Variants in MCOLN1 observed in about 807,000 individuals in gnomAD.
MCOLN1 encodes mucolipin TRP cation channel 1, also known as mucolipin-1.
Under a neutral mutation model 70.3 loss-of-function variants are expected in MCOLN1, and 50 were observed. The ratio of observed to expected loss-of-function variants is 0.71; its 90% CI spans 0.57 to 0.90. The LOEUF (loss-of-function observed/expected upper bound fraction) is 0.90, where lower values mean the gene tolerates loss of function less well. Ranked by LOEUF, MCOLN1 falls within the 40% of genes least tolerant of loss-of-function variation. MCOLN1 has a pLI of 0.00. For synonymous variants in MCOLN1, 366 were observed against 341.0 expected (o/e 1.07, Z -0.81); for missense variants, 598 against 803.5 (o/e 0.74, Z 3.09).
intron 12 of MCOLN1, among the ~76,000 whole-genome samples, chr19:7,532,898 G>A (rs1440678665): frequency 1.3e-5 from 2 of 152,184 alleles, no homozygotes; most frequent in African/African-American, 4.8e-5. Context: ...GGGAGCCCAG[G>A]GGCAGTGCAC....
chr19:7,527,731 G>A (rs777513647), intron 5 of MCOLN1, 103 bp downstream of exon 5: 16 of 1,074,334 alleles, frequency 1.5e-5, no homozygotes, highest in African/African-American at 7.8e-5. Context: ...GGGCCCCCCC[G>A]CCCGCGCTGG....
chr19:7,533,523 C>T lies in MCOLN1; in HGVS notation c.1576C>T (p.His526Tyr). ...LITGAYDTIK[H>Y]PGGAGAEESE... ...TGAGCCTCCCGGCTTCTCTCCCCAGCATCCCGGCGGCGCAGGCGCAGAGGA... is the reference window on the plus strand; with the variant it reads ...TGAGCCTCCCGGCTTCTCTCCCCAGTATCCCGGCGGCGCAGGCGCAGAGGA... Residue 526 changes from histidine to tyrosine, a missense_variant and splice_region_variant, in exon 13 of 14, where the codon CAT (histidine) becomes TAT (tyrosine). Physicochemically the swap from His to Tyr is moderately conservative, Grantham distance 83. Transcript: ENST00000264079. 1 of 1,610,798 alleles carries T rather than the reference C, an allele frequency of 6.2e-7. No individual in the cohort carries two copies. The highest frequency in any genetic ancestry group is 8.5e-7 in the Non-Finnish European group (1 of 1,179,666).
In MCOLN1 at chr19:7,526,773, C is replaced by T; in HGVS notation, c.418C>T (p.Pro140Ser). 1 of 1,614,058 alleles carries T rather than the reference C, an allele frequency of 6.2e-7. No homozygotes were observed. Among genetic ancestry groups the T allele is most frequent in the Non-Finnish European group, 8.5e-7 (1 of 1,180,034 alleles). ...FHAVDQYLAL[P>S]DVSLGRYAYV... ...TCTCTGCCCACAGTACCTGGCGTTG[C>T]CTGACGTGTCACTGGGCCGGTATGC... Residue 140 changes from proline (P) to serine (S), a missense_variant, in exon 4 of 14, where the codon CCT becomes TCT. Physicochemically the swap from Pro to Ser is moderately conservative, Grantham distance 74. Around this residue, in one of 3 missense-constraint regions of MCOLN1, gnomAD observed 461 missense variants for 588.4 expected, o/e 0.78. Transcript: ENST00000264079. The surrounding 1 kb of genome is among the most constrained non-coding windows in gnomAD (Gnocchi z 4.6).
intron 10 of MCOLN1, 70 bp from the exon 11 acceptor site, chr19:7,529,520 C>CCAAAGGGGGGCCCCCCCAGG: frequency 7.2e-7 from 1 of 1,386,886 alleles, no homozygotes; most frequent in Non-Finnish European, 1.0e-6. Flanking sequence ...CTCCCACCCC[C>CCAAAGGGGGGCCCCCCCAGG]ATCTGGGTGC....
chr19:7,529,529 G>GGGCCCC, intron 10 of MCOLN1, 61 bp from the exon 11 acceptor site: 2 of 1,481,614 alleles, frequency 1.3e-6, no homozygotes, highest in East Asian at 2.4e-5. Context: ...CCATCTGGGT[G>GGGCCCC]CCCACAGCTG....
rs540456257 is a variant in MCOLN1 at position 7,533,510 on chromosome 19, C to A, written c.1576-13C>A. 3 of 1,610,502 alleles carry A rather than the reference C, an allele frequency of 1.9e-6. No homozygotes were observed. In the African/African-American group the frequency reaches 4.0e-5, roughly 21 times the overall value. ...GCCACTTTCAGGCTGAGCCTCCCGG[C>A]TTCTCTCCCCAGCATCCCGGCGGCG... On this transcript the variant is annotated splice_polypyrimidine_tract_variant and intron_variant, in intron 12 of 13. Coordinates refer to ENST00000264079, the MANE Select transcript of MCOLN1 (RefSeq NM_020533.3).
At position 7,524,018 on chromosome 19, in the gene MCOLN1, CCTGA is replaced by C. The variant is rs1022527070; in HGVS notation, c.32-940_32-937del. On this transcript the variant is annotated intron_variant, in intron 1 of 13. Transcript: ENST00000264079. The surrounding 1 kb of genome is among the most constrained non-coding windows in gnomAD (Gnocchi z 4.1). Reference sequence around the variant, plus strand: ...CTAACTACGGGCATGAGCCGTCACACCTGACTATTTAAAAAAAATGTTTTTTTTT... The same window carrying C: ...CTAACTACGGGCATGAGCCGTCACACCTATTTAAAAAAAATGTTTTTTTTT... Among the ~76,000 whole-genome samples, 9 of 152,230 alleles carry C rather than the reference CCTGA, an allele frequency of 5.9e-5. No homozygotes were observed. Among genetic ancestry groups the C allele is most frequent in the Non-Finnish European group, 1.0e-4 (7 of 68,016 alleles).
Position 7,526,760 on chromosome 19 carries a change from G to A in MCOLN1, c.406-1G>A. ...CAGGCCCTCCCCTTCTCTGCCCACA[G>A]TACCTGGCGTTGCCTGACGTGTCAC... On this transcript the variant is annotated splice_acceptor_variant, in intron 3 of 13. Transcript: ENST00000264079. LOFTEE classifies it high-confidence loss of function. This position sits in a 1 kb window ranked among gnomAD's most constrained non-coding sequence, Gnocchi z 4.6. 6.2e-7 allele frequency: 1 copy of A among 1,613,900 alleles called. No homozygotes were observed. The highest frequency in any genetic ancestry group is 8.5e-7 in the Non-Finnish European group (1 of 1,180,028).
intron 13 of MCOLN1, 30 bp downstream of exon 13, chr19:7,533,683 T>G: frequency 6.2e-7 from 1 of 1,614,114 alleles, no homozygotes; most frequent in Non-Finnish European, 8.5e-7. Context: ...CACATTCAGA[T>G]TGGAGGTTAG....
In MCOLN1 at chr19:7,525,127, G is replaced by T. The variant is rs747815510; in HGVS notation, c.198G>T (p.Leu66=). 3 of 1,614,168 alleles carry T rather than the reference G, an allele frequency of 1.9e-6. No homozygotes were observed. Among genetic ancestry groups the T allele is most frequent in the Non-Finnish European group, 2.5e-6 (3 of 1,180,036 alleles). Residue 66 remains leucine, a synonymous_variant, in exon 2 of 14, where the codon CTG becomes CTT. Transcript: ENST00000264079. The surrounding 1 kb of genome is among the most constrained non-coding windows in gnomAD (Gnocchi z 4.2). The part of the protein sequence containing the change: ...FRAKGRKPCK[L]MLQVVKILVV... ...CCAAGGGCCGCAAGCCCTGCAAGCT[G>T]ATGCTGCAAGTGGTCAAGATCCTGG...
intron 10 of MCOLN1, 87 bp from the exon 11 acceptor site, chr19:7,529,501 GCC>G: frequency 2.0e-5 from 15 of 747,234 alleles, no homozygotes; most frequent in Non-Finnish European, 2.5e-5. Context: ...CCTCGGCAAG[GCC>G]CCGCCCCTCC....
rs778589238 is a variant in MCOLN1 at position 7,525,258 on chromosome 19, G to A, written c.237+92G>A. 202 of 1,166,576 alleles carry A rather than the reference G, an allele frequency of 1.7e-4. No homozygotes were observed. The highest frequency in any genetic ancestry group is 3.4e-4 in the East Asian group (14 of 41,178). 72.3% of individuals were successfully genotyped at this position (1,166,576 alleles called of 1,614,324 possible). On this transcript the variant is annotated intron_variant, in intron 2 of 13. Transcript: ENST00000264079. The surrounding 1 kb of genome is among the most constrained non-coding windows in gnomAD (Gnocchi z 4.2). ...TCTTAAAGCAGCACTTTGGAAGGCC[G>A]AGGCCGGTGGATCGCTTGAGGCTGG... is the stretch of plus-strand genomic sequence containing the variant.
At chr19:7,523,941 G>A (rs1012689410) in intron 1 of MCOLN1, among the ~76,000 whole-genome samples, 12 of 151,852 alleles carry the variant, frequency 7.9e-5, no homozygotes, top group African/African-American at 2.7e-4. Flanking sequence ...CGAACTCCTG[G>A]GCTCAAGTGA....
At position 7,524,710 on chromosome 19, in the gene MCOLN1, G is replaced by A. The variant is rs932960264; in HGVS notation, c.32-251G>A. 6.6e-5 allele frequency among the ~76,000 whole-genome samples: 10 copies of A among 152,192 alleles called. No individual in the cohort carries two copies. The highest frequency in any genetic ancestry group is 2.4e-4 in the African/African-American group (10 of 41,434). ...GAGGAAACTGAGGCTCAGAGAGCTG[G>A]TGAGCAGGAGGGGCAGGAATCAGCC... On this transcript the variant is annotated intron_variant, in intron 1 of 13. Coordinates refer to ENST00000264079, the MANE Select transcript of MCOLN1 (RefSeq NM_020533.3). This position sits in a 1 kb window ranked among gnomAD's most constrained non-coding sequence, Gnocchi z 4.1.
chr19:7,527,069 G>GT, intron 4 of MCOLN1, 143 bp downstream of exon 4: 1 of 1,102,854 alleles, frequency 9.1e-7, no homozygotes. Context: ...GAGGCCAGAA[G>GT]TTTGAGACCA....
At chr19:7,527,484 G>A (rs1308253570) in intron 4 of MCOLN1, 36 bp from the exon 5 acceptor site, 1 of 880,800 alleles carries the variant, frequency 1.1e-6, no homozygotes, top group Non-Finnish European at 2.0e-6. Flanking sequence ...GGCCTCCCCG[G>A]CCCCCTGAGG....
At chr19:7,527,480 C>T in intron 4 of MCOLN1, 40 bp from the exon 5 acceptor site, 1 of 868,766 alleles carries the variant, frequency 1.2e-6, no homozygotes, top group South Asian at 1.3e-5. Context: ...GCCTGGCCTC[C>T]CCGGCCCCCT....
chr19:7,522,866 CT>C (rs1292986349), intron 1 of MCOLN1, 85 bp downstream of exon 1: 3 of 1,186,610 alleles, frequency 2.5e-6, no homozygotes, highest in African/African-American at 3.2e-5. Flanking sequence ...CTCCTAGTCT[CT>C]TTTTTTCTAA....
chr19:7,528,465 C>A lies in MCOLN1; in HGVS notation c.878-132C>A. On this transcript the variant is annotated intron_variant, in intron 7 of 13. Transcript: ENST00000264079. This position sits in a 1 kb window ranked among gnomAD's most constrained non-coding sequence, Gnocchi z 4.2. ...ACCGGGGTTCTTGACTCACCCCAAG[C>A]AAGCCCTGAGCCCACTGACCAACCA... 8.1e-7 allele frequency: 1 copy of A among 1,227,208 alleles called. No individual in the cohort carries two copies. The highest frequency in any genetic ancestry group is 1.2e-6 in the Non-Finnish European group (1 of 864,090). 76.0% of individuals were successfully genotyped at this position (1,227,208 alleles called of 1,614,324 possible). A position where few individuals can be genotyped will look rare whatever the true frequency, so the allele number is the denominator to read the frequency against.
Sources: allele counts gnomAD v4.1 joint callset (sites outside exome capture counted in the v4.1 genomes callset), GRCh38; gene constraint gnomAD v4.1.1; regional missense constraint gnomAD v4.1.1; non-coding constraint Gnocchi (gnomAD v3.1); transcripts MANE v1.5; gene names NCBI Gene and HGNC (gene_info 2026-07-23, HGNC 2026-07-21).